CDH8: variants seen among roughly 807,000 people sequenced by gnomAD.
CDH8 encodes the protein cadherin 8, also known as cadherin-8.
Under a neutral mutation model 68.1 loss-of-function variants are expected in CDH8, and 17 were observed. The ratio of observed to expected loss-of-function variants is 0.25; its 90% CI spans 0.17 to 0.37. The LOEUF is 0.37. Ranked by LOEUF, CDH8 falls within the 10% of genes least tolerant of loss-of-function variation. The pLI, the probability that CDH8 is intolerant of heterozygous loss-of-function variation, is 1.00. For missense variants in CDH8, 763 were observed against 999.3 expected, an observed-to-expected ratio of 0.76 and a Z score of 3.19; for synonymous variants, 372 against 365.1, an observed-to-expected ratio of 1.02 and a Z score of -0.21.
chr16:61,851,672 T>A (rs748413375), intron 4 of CDH8, among the ~76,000 whole-genome samples: 5 of 151,830 alleles, frequency 3.3e-5, no homozygotes, highest in African/African-American at 9.7e-5. Context: ...AAAAAAAACA[T>A]TTTAAGAATA....
chr16:61,702,102 G>A (rs1964440788), intron 10 of CDH8, among the ~76,000 whole-genome samples: 1 of 152,186 alleles, frequency 6.6e-6, no homozygotes, highest in African/African-American at 2.4e-5. Flanking sequence ...GCCAGGCGCG[G>A]TGGCTCACTC....
At chr16:61,875,373 A>G (rs966289035) in intron 3 of CDH8, among the ~76,000 whole-genome samples, 1 of 152,104 alleles carries the variant, frequency 6.6e-6, no homozygotes, top group African/African-American at 2.4e-5. Flanking sequence ...CAATATGAAC[A>G]TCACCTGAAT....
intron 9 of CDH8, among the ~76,000 whole-genome samples, chr16:61,721,670 C>G (rs1167495401): frequency 6.6e-6 from 1 of 150,584 alleles, no homozygotes; most frequent in Admixed American, 6.7e-5. Flanking sequence ...AAAATGTTCA[C>G]TCTTGATCAG....
chr16:61,731,629 G>T (rs931054239), intron 8 of CDH8, among the ~76,000 whole-genome samples: 1 of 151,770 alleles, frequency 6.6e-6, no homozygotes, highest in Admixed American at 6.6e-5. Context: ...TCACAAACAA[G>T]TGAGTAATAA....
chr16:61,914,506 T>C (rs1964207161), intron 2 of CDH8, among the ~76,000 whole-genome samples: 1 of 152,134 alleles, frequency 6.6e-6, no homozygotes, highest in South Asian at 2.1e-4. Flanking sequence ...GGAGATTTTT[T>C]TTTTCTGGAT....
intron 2 of CDH8, among the ~76,000 whole-genome samples, chr16:61,928,438 C>A (rs998694542): frequency 3.3e-5 from 5 of 152,172 alleles, no homozygotes; most frequent in Admixed American, 1.3e-4. Flanking sequence ...AAAGCTTGTG[C>A]CATCTATGGC....
At chr16:61,662,265 G>C (rs1387932162) in intron 10 of CDH8, among the ~76,000 whole-genome samples, 1 of 151,532 alleles carries the variant, frequency 6.6e-6, no homozygotes, top group Non-Finnish European at 1.5e-5. Flanking sequence ...TGTTTTCATT[G>C]TGTATCATCT....
At chr16:61,725,747 A>G (rs931008813) in intron 9 of CDH8, 3 of 150,962 alleles carry the variant, frequency 2.0e-5, no homozygotes, top group Non-Finnish European at 4.5e-5. Flanking sequence ...TCCACATGAT[A>G]AAATTAGGAA....
chr16:61,686,469 T>A (rs1442407895), intron 10 of CDH8, among the ~76,000 whole-genome samples: 1 of 151,964 alleles, frequency 6.6e-6, no homozygotes, highest in East Asian at 1.9e-4. Flanking sequence ...TGGTTTGTGT[T>A]CAAGTGGTAC....
At chr16:61,866,591 T>C (rs186538691) in intron 3 of CDH8, among the ~76,000 whole-genome samples, 105 of 152,092 alleles carry the variant, frequency 6.9e-4, no homozygotes, top group Admixed American at 3.3e-3. Flanking sequence ...TATATATATA[T>C]ACACATTATA....
intron 10 of CDH8, among the ~76,000 whole-genome samples, chr16:61,666,210 A>G (rs78569556): frequency 0.15 from 21,647 of 146,348 alleles, 1,652 homozygotes; most frequent in African/African-American, 0.19. Context: ...GTGTGTGTAT[A>G]TATATATATA....
chr16:61,950,359 G>C (rs1052402307), intron 2 of CDH8, among the ~76,000 whole-genome samples: 2 of 152,078 alleles, frequency 1.3e-5, no homozygotes, highest in South Asian at 4.1e-4. Flanking sequence ...AAATATTGCT[G>C]GTAGGTACTA....
intron 2 of CDH8, among the ~76,000 whole-genome samples, chr16:61,967,299 T>TATGG (rs1270453324): frequency 6.6e-6 from 1 of 152,202 alleles, no homozygotes; most frequent in Non-Finnish European, 1.5e-5. Context: ...ATATCCCATG[T>TATGG]ATGGATGATT....
chr16:62,000,419 C>T (rs771904305), intron 2 of CDH8, among the ~76,000 whole-genome samples: 18 of 152,198 alleles, frequency 1.2e-4, no homozygotes, highest in Non-Finnish European at 2.6e-4. Flanking sequence ...CTCCCACCAA[C>T]AGTGTAAAAG....
intron 2 of CDH8, among the ~76,000 whole-genome samples, chr16:61,932,378 C>T (rs1964559291): frequency 6.6e-6 from 1 of 152,082 alleles, no homozygotes; most frequent in African/African-American, 2.4e-5. Flanking sequence ...TAGATGTACT[C>T]TAAAGGTGTG....
intron 8 of CDH8, among the ~76,000 whole-genome samples, chr16:61,751,195 T>C (rs1960148996): frequency 6.6e-6 from 1 of 151,806 alleles, no homozygotes; most frequent in South Asian, 2.1e-4. Context: ...CAGCACAAAA[T>C]TCATGTGTGC....
chr16:61,815,995 T>G (rs747376178), intron 7 of CDH8, among the ~76,000 whole-genome samples: 10 of 152,156 alleles, frequency 6.6e-5, no homozygotes, highest in Non-Finnish European at 1.0e-4. Context: ...GCATTCAACA[T>G]TGGCCCATTA....
chr16:61,813,597 T>C (rs1192676273), intron 7 of CDH8, among the ~76,000 whole-genome samples: 3 of 152,238 alleles, frequency 2.0e-5, no homozygotes, highest in Admixed American at 2.0e-4. Context: ...AAGCCTGGTC[T>C]CCAGTTCCGT....
intron 8 of CDH8, among the ~76,000 whole-genome samples, chr16:61,782,695 C>A (rs1341360740): frequency 6.6e-6 from 1 of 152,146 alleles, no homozygotes. Context: ...CCCTGTCTGA[C>A]AGCTTTGAAG....
Sources: gnomAD v4.1 joint callset for allele counts (sites outside exome capture counted in the v4.1 genomes callset) on GRCh38, gnomAD v4.1.1 for gene constraint, MANE v1.5 for transcripts, NCBI Gene and HGNC (gene_info 2026-07-23, HGNC 2026-07-21) for gene names.